Variants in KCNH1 observed in about 807,000 individuals in gnomAD.
The protein encoded by KCNH1 is voltage-gated delayed rectifier potassium channel KCNH1.
Under a neutral mutation model 69.2 loss-of-function variants are expected in KCNH1, and 27 were observed. The ratio of observed to expected loss-of-function variants is 0.39; its 90% confidence interval spans 0.29 to 0.54. The LOEUF (loss-of-function observed/expected upper bound fraction) is 0.54. KCNH1 is among the 20% of genes least tolerant of loss of function. KCNH1 has a pLI of 0.68. For synonymous variants in KCNH1, 456 were observed against 487.7 expected (o/e 0.93, Z 0.86); for missense variants, 798 against 1,261.6 (o/e 0.63, Z 5.57).
intron 10 of KCNH1, among the ~76,000 whole-genome samples, chr1:210,699,413 C>A (rs1365290555): frequency 1.3e-5 from 2 of 152,204 alleles, no homozygotes; most frequent in African/African-American, 4.8e-5. Flanking sequence ...ACCTTTGTAG[C>A]ATGAGTACAA....
intron 7 of KCNH1, among the ~76,000 whole-genome samples, chr1:210,867,681 G>C (rs945173355): frequency 6.6e-6 from 1 of 151,908 alleles, no homozygotes; most frequent in African/African-American, 2.4e-5. Context: ...GTCTCAAAAT[G>C]CCCAACCCTA....
chr1:210,941,977 C>T (rs543435999), intron 6 of KCNH1, among the ~76,000 whole-genome samples: 1 of 152,336 alleles, frequency 6.6e-6, no homozygotes, highest in South Asian at 2.1e-4. Flanking sequence ...TCATTCTAGA[C>T]TCTTCCATTC....
chr1:210,947,754 T>C (rs774660427), intron 6 of KCNH1, among the ~76,000 whole-genome samples: 1 of 152,166 alleles, frequency 6.6e-6, no homozygotes, highest in Non-Finnish European at 1.5e-5. Context: ...GCAAAAATTA[T>C]AAGTTATCAG....
chr1:210,764,370 G>T (rs918820253), intron 10 of KCNH1, among the ~76,000 whole-genome samples: 2 of 151,974 alleles, frequency 1.3e-5, no homozygotes, highest in African/African-American at 4.8e-5. Context: ...TGACAATTGG[G>T]GTCTAATTAA....
intron 6 of KCNH1, among the ~76,000 whole-genome samples, chr1:210,958,515 G>T (rs962793815): frequency 2.6e-5 from 4 of 152,178 alleles, no homozygotes. Context: ...TTCCAACCTG[G>T]TTCCATTCTC....
At chr1:210,871,958 C>T (rs1195318032) in intron 7 of KCNH1, among the ~76,000 whole-genome samples, 4 of 149,674 alleles carry the variant, frequency 2.7e-5, no homozygotes, top group South Asian at 2.1e-4. Context: ...TGCTAGAGGA[C>T]GAGTTAGTGG....
At chr1:210,698,139 A>G (rs1681685962) in intron 10 of KCNH1, among the ~76,000 whole-genome samples, 3 of 152,328 alleles carry the variant, frequency 2.0e-5, no homozygotes, top group African/African-American at 7.2e-5. Context: ...TAAAGGTTGA[A>G]AGCAGTTAAG....
chr1:211,130,470 A>G (rs796178628), intron 1 of KCNH1, among the ~76,000 whole-genome samples: 78 of 152,334 alleles, frequency 5.1e-4, no homozygotes, highest in African/African-American at 1.8e-3. Flanking sequence ...AAGATTCACT[A>G]GAATGTAATT....
intron 7 of KCNH1, among the ~76,000 whole-genome samples, chr1:210,844,063 G>T (rs1010531329): frequency 6.6e-6 from 1 of 152,272 alleles, no homozygotes; most frequent in African/African-American, 2.4e-5. Flanking sequence ...AGCAACTGGT[G>T]CCCTTAGGGA....
chr1:211,062,445 A>G (rs1306738859), intron 5 of KCNH1, among the ~76,000 whole-genome samples: 1 of 152,204 alleles, frequency 6.6e-6, no homozygotes, highest in Non-Finnish European at 1.5e-5. Context: ...ACAGGCAACC[A>G]AAGCAAAAAT....
intron 5 of KCNH1, among the ~76,000 whole-genome samples, chr1:211,026,107 G>T (rs1055824498): frequency 6.6e-6 from 1 of 152,096 alleles, no homozygotes; most frequent in Admixed American, 6.5e-5. Context: ...ACCCCAACAA[G>T]AATACAGCAA....
intron 10 of KCNH1, among the ~76,000 whole-genome samples, chr1:210,716,983 T>A (rs1326696250): frequency 6.6e-6 from 1 of 152,220 alleles, no homozygotes; most frequent in Admixed American, 6.5e-5. Context: ...GACTGATCAG[T>A]TTATATCATG....
At chr1:211,081,830 C>T (rs760478538) in intron 5 of KCNH1, among the ~76,000 whole-genome samples, 7 of 151,642 alleles carry the variant, frequency 4.6e-5, no homozygotes, top group South Asian at 2.1e-4. Flanking sequence ...GGATGGGGGA[C>T]GGGGGAGGGA....
chr1:210,820,754 G>T (rs1447259691), intron 7 of KCNH1, among the ~76,000 whole-genome samples: 1 of 152,082 alleles, frequency 6.6e-6, no homozygotes, highest in Non-Finnish European at 1.5e-5. Flanking sequence ...CAATGGGGAG[G>T]GGAAAAAGGT....
In KCNH1 at chr1:210,780,408, T is replaced by C. The variant is rs189607535; in HGVS notation, c.1916-4864A>G. 2.6e-5 allele frequency among the ~76,000 whole-genome samples: 4 copies of C among 152,326 alleles called. No individual in the cohort carries two copies. In the East Asian group the frequency reaches 7.7e-4, roughly 29 times the overall value. ...TTACTACCTGCTGTTGAGATCATTA[T>C]TTCTAGACCCAAACCAATTAAAAAA... On this transcript the variant is annotated intron_variant, in intron 9 of 10. Transcript: ENST00000271751.
At chr1:211,054,411 G>T (rs1690266279) in intron 5 of KCNH1, among the ~76,000 whole-genome samples, 4 of 151,910 alleles carry the variant, frequency 2.6e-5, no homozygotes, top group Admixed American at 2.6e-4. Flanking sequence ...AAGACTAAAA[G>T]AATTTATTAT....
At chr1:210,903,123 C>A (rs1191870739) in intron 7 of KCNH1, among the ~76,000 whole-genome samples, 2 of 151,370 alleles carry the variant, frequency 1.3e-5, no homozygotes, top group South Asian at 2.1e-4. Context: ...CTTTTTTTTT[C>A]ATCTGGCTAA....
At chr1:210,769,244 A>G (rs566088417) in intron 10 of KCNH1, among the ~76,000 whole-genome samples, 1 of 152,340 alleles carries the variant, frequency 6.6e-6, no homozygotes, top group Admixed American at 6.5e-5. Flanking sequence ...TAATTTATTC[A>G]GGGAGAAAAT....
At chr1:210,798,290 C>G (rs1173955575) in intron 8 of KCNH1, among the ~76,000 whole-genome samples, 4 of 152,110 alleles carry the variant, frequency 2.6e-5, no homozygotes, top group Admixed American at 2.0e-4. Context: ...CCGCCCGCCT[C>G]GGCCTCCCAA....
Sources: allele counts gnomAD v4.1 joint callset (sites outside exome capture counted in the v4.1 genomes callset), GRCh38; gene constraint gnomAD v4.1.1; transcripts MANE v1.5; gene names NCBI Gene and HGNC (gene_info 2026-07-23, HGNC 2026-07-21).